The following MDN1 variants were observed in gnomAD, a reference collection of about 807,000 sequenced individuals.
The protein encoded by MDN1 is midasin.
In MDN1, 266 loss-of-function variants were observed where a neutral mutation model predicts 669.2. That is an observed-to-expected ratio of 0.40 (90% CI 0.36 to 0.44). The LOEUF is 0.44. MDN1 is among the 20% of genes least tolerant of loss of function. The pLI is 1.00. For synonymous variants in MDN1, 2,385 were observed against 2,457.1 expected (o/e 0.97, Z 0.87); for missense variants, 5,940 against 6,754.0 (o/e 0.88, Z 4.22).
intron 17 of MDN1, 34 bp from the exon 18 acceptor site, chr6:89,758,994 G>A: frequency 1.3e-6 from 2 of 1,598,636 alleles, no homozygotes; most frequent in South Asian, 1.1e-5. Context: ...TTAACAATGT[G>A]TCAAATAAAG....
In MDN1 at chr6:89,714,654, T is replaced by C. The variant is rs752450503; in HGVS notation, c.6958A>G (p.Thr2320Ala). The C allele has an allele frequency of 1.2e-6, 2 of 1,613,954 alleles. No individual in the cohort carries two copies. Among genetic ancestry groups the C allele is most frequent in the Non-Finnish European group, 1.7e-6 (2 of 1,179,960 alleles). The change falls in exon 46 of 102, where the codon ACC becomes GCC. Residue 2320 changes from threonine to alanine, a missense_variant. Physicochemically the swap from Thr to Ala is moderately conservative, Grantham distance 58 (BLOSUM62 0). Coordinates refer to ENST00000369393, the MANE Select transcript of MDN1 (RefSeq NM_014611.3). ...IYISGEGDAS[T>A]PDNLDLKVLL... ...ACTTTCAAATCCAGGTTGTCTGGGG[T>C]GCTTGCATCCCCTTCCCCTGAAATG...
Position 89,734,691 on chromosome 6 carries a change from A to AGAGAGAGAGAGAGAGAG in MDN1, c.4724-1917_4724-1916insCTCTCTCTCTCTCTCTC, listed in dbSNP as rs370691129. ...AGAAGAAAAAAAAAAAAAAAAAAAC[A>AGAGAGAGAGAGAGAGAG]AGAGAGAGAGAGAGAGAGAGAGAGA... On this transcript the variant is annotated intron_variant, in intron 33 of 101. Coordinates refer to ENST00000369393, the MANE Select transcript of MDN1 (RefSeq NM_014611.3). Among the ~76,000 whole-genome samples, 756 of 112,944 alleles carry AGAGAGAGAGAGAGAGAG rather than the reference A, an allele frequency of 6.7e-3. 64 individuals are homozygous for AGAGAGAGAGAGAGAGAG. The East Asian group carries it at 0.099, about 15-fold the overall frequency. 74.1% of individuals were successfully genotyped at this position (112,944 alleles called of 152,430 possible). A position where few individuals can be genotyped will look rare whatever the true frequency, so the allele number is the denominator to read the frequency against.
intron 17 of MDN1, among the ~76,000 whole-genome samples, chr6:89,759,352 C>G (rs976922790): frequency 6.6e-6 from 1 of 152,214 alleles, no homozygotes; most frequent in East Asian, 1.9e-4. Context: ...GATTGTCATA[C>G]ACTGCCTTTC....
intron 26 of MDN1, among the ~76,000 whole-genome samples, chr6:89,748,142 T>A (rs917680894): frequency 2.4e-4 from 36 of 152,176 alleles, no homozygotes; most frequent in African/African-American, 8.7e-4. Flanking sequence ...CTGGTCAATA[T>A]GGTGAAACCC....
rs751121689 is a variant in MDN1 at position 89,803,544 on chromosome 6, G to A, written c.113C>T (p.Pro38Leu). The change falls in exon 2 of 102, where the codon CCT becomes CTT. Residue 38 changes from proline to leucine, a missense_variant. Around this residue, in one of 5 missense-constraint regions of MDN1, gnomAD observed 1,203 missense variants for 1,268.9 expected, o/e 0.95. Coordinates refer to ENST00000369393, the MANE Select transcript of MDN1 (RefSeq NM_014611.3). ...GRFLAKQVWT[P>L]QDRQCVLSTL... ...ACTCAGGACACACTGGCGATCTTGA[G>A]GTGTCCACACCTGAGAAAGGCAAAA... 1 of 1,611,706 alleles carries A rather than the reference G, an allele frequency of 6.2e-7. No homozygotes were observed. The highest frequency in any genetic ancestry group is 8.5e-7 in the Non-Finnish European group (1 of 1,178,554).
At chr6:89,780,481 T>C (rs2128324383) in intron 10 of MDN1, among the ~76,000 whole-genome samples, 188 bp from the exon 11 acceptor site, 1 of 152,166 alleles carries the variant, frequency 6.6e-6, no homozygotes, top group East Asian at 1.9e-4. Flanking sequence ...CCTCTTTGTA[T>C]TTGTGTGTAA....
At chr6:89,787,745 C>A in intron 8 of MDN1, 109 bp downstream of exon 8, 1 of 710,400 alleles carries the variant, frequency 1.4e-6, no homozygotes, top group South Asian at 1.8e-5. Context: ...TTCCAACTAA[C>A]CTTGCTTGAA....
At chr6:89,672,819 G>C in intron 80 of MDN1, 117 bp from the exon 81 acceptor site, 1 of 1,137,778 alleles carries the variant, frequency 8.8e-7, no homozygotes, top group South Asian at 1.7e-5. Flanking sequence ...GTGTCAAGCT[G>C]TGCCAGATAC....
At position 89,673,406 on chromosome 6, in the gene MDN1, T is replaced by G. The variant is rs1383522600; in HGVS notation, c.13304A>C (p.His4435Pro). The G allele has an allele frequency of 4.3e-6, 7 of 1,614,146 alleles. No individual in the cohort carries two copies. The highest frequency in any genetic ancestry group is 1.1e-5 in the South Asian group (1 of 91,078). The change falls in exon 80 of 102, where the codon CAT becomes CCT. Residue 4435 changes from histidine (H) to proline (P), a missense_variant. Coordinates refer to ENST00000369393, the MANE Select transcript of MDN1 (RefSeq NM_014611.3). ...ALSCLSQVSV[H>P]LQGLESLFIL... ...GAACAAGGACTCTAGGCCCTGCAAA[T>G]GAACTGACACCTGGGACAAGCAACT... is the stretch of plus-strand genomic sequence containing the variant.
intron 28 of MDN1, 38 bp from the exon 29 acceptor site, chr6:89,745,449 T>A: frequency 1.2e-6 from 2 of 1,613,930 alleles, no homozygotes; most frequent in East Asian, 2.2e-5. Flanking sequence ...TTCTAATGAG[T>A]ACAACTCAAA....
Position 89,686,912 on chromosome 6 carries a change from T to G in MDN1, c.11562A>C (p.Glu3854Asp). 1 of 1,613,928 alleles carries G rather than the reference T, an allele frequency of 6.2e-7. No homozygotes were observed. Among genetic ancestry groups the G allele is most frequent in the South Asian group, 1.1e-5 (1 of 91,078 alleles). ...ACTGCTAGGCATTACCTTCCTGTTC[T>G]TCTGTTTGTTCCTGCATGTGCTTCT... is the stretch of plus-strand genomic sequence containing the variant. ...MLEKHMQEQTEEQEDDKQMTL... is the reference protein window; with the variant it reads ...MLEKHMQEQTDEQEDDKQMTL... The change falls in exon 69 of 102, where the codon GAA (glutamate) becomes GAC (aspartate). Residue 3854 changes from glutamate to aspartate, a missense_variant. Around this residue, in one of 5 missense-constraint regions of MDN1, gnomAD observed 2,280 missense variants for 2,576.3 expected, o/e 0.88. Coordinates refer to ENST00000369393, the MANE Select transcript of MDN1 (RefSeq NM_014611.3).
At chr6:89,760,112 C>T (rs1175674149) in intron 17 of MDN1, among the ~76,000 whole-genome samples, 1 of 152,092 alleles carries the variant, frequency 6.6e-6, no homozygotes, top group Non-Finnish European at 1.5e-5. Flanking sequence ...CCAAATTTTC[C>T]ACACCCATAA....
Position 89,789,914 on chromosome 6 carries a change from G to A in MDN1, c.1099-3C>T. The A allele has an allele frequency of 1.9e-6, 3 of 1,607,308 alleles. No homozygotes were observed. The highest frequency in any genetic ancestry group is 2.5e-6 in the Non-Finnish European group (3 of 1,177,896). ...CAGCGATACATCCCCAAAAGCATCT[G>A]CAGAAAGAAGATAAAGTAATTACTG... On this transcript the variant is annotated splice_polypyrimidine_tract_variant and splice_region_variant and intron_variant, in intron 6 of 101. Transcript: ENST00000369393.
intron 1 of MDN1, among the ~76,000 whole-genome samples, chr6:89,811,907 G>A (rs1409865294): frequency 6.6e-6 from 1 of 152,068 alleles, no homozygotes; most frequent in African/African-American, 2.4e-5. Flanking sequence ...AAGCTTAAAT[G>A]GGTTTTATTT....
intron 15 of MDN1, 144 bp downstream of exon 15, chr6:89,771,417 C>T (rs988758178): frequency 1.5e-6 from 1 of 673,780 alleles, no homozygotes; most frequent in Non-Finnish European, 2.4e-6. Flanking sequence ...CTGCCAAAAG[C>T]TCCAATAAAG....
At chr6:89,767,866 C>T (rs571570165) in intron 15 of MDN1, among the ~76,000 whole-genome samples, 17 of 151,400 alleles carry the variant, frequency 1.1e-4, no homozygotes, top group Non-Finnish European at 2.5e-4. Context: ...ATAGTGAGAC[C>T]TCATCTCTAT....
At position 89,729,027 on chromosome 6, in the gene MDN1, C is replaced by T. The variant is rs371677004; in HGVS notation, c.5253G>A (p.Leu1751=). The T allele has an allele frequency of 5.4e-5, 87 of 1,614,016 alleles. No homozygotes were observed. Among genetic ancestry groups the T allele is most frequent in the Non-Finnish European group, 7.2e-5 (85 of 1,180,018 alleles). ...TCTTGCCAACACCAGGGGAACCCTC[C>T]AGGAGAATGGGCTTCTTCAGTTTGG... ...RATKLKKPIL[L]EGSPGVGKTS... is the part of the protein sequence containing the mutation. Residue 1751 remains leucine, a synonymous_variant, in exon 36 of 102, where the codon CTG becomes CTA. Transcript: ENST00000369393.
intron 59 of MDN1, 113 bp downstream of exon 59, chr6:89,698,752 G>GCAAT: frequency 1.1e-6 from 1 of 952,254 alleles, no homozygotes; most frequent in South Asian, 1.6e-5. Flanking sequence ...GTAAAGTGTT[G>GCAAT]CAATCACCTG....
chr6:89,683,033 GC>G, intron 73 of MDN1, 98 bp downstream of exon 73: 4 of 1,206,998 alleles, frequency 3.3e-6, no homozygotes, highest in Non-Finnish European at 4.7e-6. Context: ...GATTTCAAAG[GC>G]ATTTTCTTGT....
Sources: gnomAD v4.1 joint callset for allele counts (sites outside exome capture counted in the v4.1 genomes callset) on GRCh38, gnomAD v4.1.1 for gene constraint, gnomAD v4.1.1 regional missense constraint, MANE v1.5 for transcripts, NCBI Gene and HGNC (gene_info 2026-07-23, HGNC 2026-07-21) for gene names.